The following MYRF variants were observed in gnomAD, a reference collection of about 807,000 sequenced individuals.
MYRF encodes myelin regulatory factor, also known as myelin gene regulatory factor.
A neutral mutation model predicts 126.3 loss-of-function variants in MYRF; 16 were observed. The observed-to-expected ratio is 0.13, with a 90% CI of 0.09 to 0.19. The LOEUF is 0.19. Among genes scored for constraint, MYRF ranks in the 10% least tolerant of loss-of-function variants. MYRF has a pLI of 1.00. For missense variants in MYRF, 1,104 were observed against 1,547.0 expected (o/e 0.71, Z 4.80); for synonymous variants, 608 against 635.3 (o/e 0.96, Z 0.65).
chr11:61,774,769 C>T (rs1319892221), intron 8 of MYRF, among the ~76,000 whole-genome samples: 2 of 151,344 alleles, frequency 1.3e-5, no homozygotes, highest in African/African-American at 2.4e-5. Flanking sequence ...GCTTCCCTCT[C>T]GTTGGGCACC....
Position 61,777,587 on chromosome 11 carries a change from A to C in MYRF, c.1791+123A>C, listed in dbSNP as rs573739588. ...GAGCTGCGGGGGAAGGAAGGGAGGG[A>C]GGCTGGCCTCGAATCCCGATCTAAC... On this transcript the variant is annotated intron_variant, in intron 12 of 26. Transcript: ENST00000278836. This position sits in a 1 kb window ranked among gnomAD's most constrained non-coding sequence, Gnocchi z 8.8. The C allele has an allele frequency of 3.6e-5, 49 of 1,374,866 alleles. No individual in the cohort carries two copies. The highest frequency in any genetic ancestry group is 4.8e-5 in the Non-Finnish European group (48 of 1,004,630). The allele number at this position is 1,374,866 out of a possible 1,614,324, so 85.2% of individuals were successfully genotyped here. A position where few individuals can be genotyped will look rare whatever the true frequency, so the allele number is the denominator to read the frequency against.
Position 61,781,268 on chromosome 11 carries a change from C to A in MYRF, c.2703C>A (p.Gly901=). The A allele has an allele frequency of 6.2e-7, 1 of 1,614,172 alleles. No homozygotes were observed. The highest frequency in any genetic ancestry group is 8.5e-7 in the Non-Finnish European group (1 of 1,180,040). ...ACCCTACCACTGGTCCTAGTCTTGG[C>A]CCCAGCTTTAACCCTGGCCATGTTC... ...TTNPTTGPSL[G]PSFNPGHVLS... Residue 901 remains glycine, a synonymous_variant, in exon 21 of 27, where the codon GGC becomes GGA. Transcript: ENST00000278836.
intron 7 of MYRF, among the ~76,000 whole-genome samples, chr11:61,772,567 C>T (rs1400802013): frequency 1.3e-5 from 2 of 152,210 alleles, no homozygotes; most frequent in Non-Finnish European, 1.5e-5. Context: ...AGCCAGCAGT[C>T]CCAGGCCTGG....
rs202140547 is a variant in MYRF at position 61,757,110 on chromosome 11, G to C, written c.46+4320G>C. The stretch of plus-strand genomic sequence containing the variant: ...TCCCACCTTCCTCTTCACGGACCTA[G>C]CACCTTCCTGGGCCTCAGTTTCTCT... On this transcript the variant is annotated intron_variant, in intron 1 of 26. Coordinates refer to ENST00000278836, the MANE Select transcript of MYRF (RefSeq NM_001127392.3). The surrounding 1 kb of genome is among the most constrained non-coding windows in gnomAD (Gnocchi z 4.7). 2.2e-6 allele frequency: 1 copy of C among 454,630 alleles called. No individual in the cohort carries two copies. The highest frequency in any genetic ancestry group is 2.4e-5 in the Admixed American group (1 of 42,484). The allele number at this position is 454,630 out of a possible 1,614,324, so 28.2% of individuals were successfully genotyped here.
chr11:61,771,751 G>A lies in MYRF; in HGVS notation c.991+1G>A. The A allele has an allele frequency of 6.2e-7, 1 of 1,612,242 alleles. No individual in the cohort carries two copies. The highest frequency in any genetic ancestry group is 8.5e-7 in the Non-Finnish European group (1 of 1,178,868). On this transcript the variant is annotated splice_donor_variant, in intron 6 of 26. Transcript: ENST00000278836. LOFTEE classifies it high-confidence loss of function. ...CACCCGCCAGGTGCCCCCTCCCCAG[G>A]TACATGGCTGGCCAACTCTTCAAGG...
At position 61,765,939 on chromosome 11, in the gene MYRF, C is replaced by A; in HGVS notation, c.135-19C>A. 6.7e-7 allele frequency: 1 copy of A among 1,482,998 alleles called. No homozygotes were observed. The highest frequency in any genetic ancestry group is 8.9e-7 in the Non-Finnish European group (1 of 1,118,640). The allele number at this position is 1,482,998 out of a possible 1,614,324, so 91.9% of individuals were successfully genotyped here. ...GGCTGGGGTCCTGGCTGGAGCTGAG[C>A]CGCCCCCCTTCCCCGCAGCTGCTTC... is the stretch of plus-strand genomic sequence containing the variant. On this transcript the variant is annotated intron_variant, in intron 2 of 26. Coordinates refer to ENST00000278836, the MANE Select transcript of MYRF (RefSeq NM_001127392.3).
Position 61,777,370 on chromosome 11 carries a change from G to A in MYRF, c.1697G>A (p.Arg566Gln). ...GGCCGCGTGGGCATCAACACAGACCGGCCGGATGAGGCGCTGGTTGTGCAC... is the reference window on the plus strand; with the variant it reads ...GGCCGCGTGGGCATCAACACAGACCAGCCGGATGAGGCGCTGGTTGTGCAC... ...HHGRVGINTD[R>Q]PDEALVVHGN... is the part of the protein sequence containing the mutation. The change falls in exon 12 of 27, where the codon CGG becomes CAG. Residue 566 changes from arginine to glutamine, a missense_variant. Around this residue, in one of 10 missense-constraint regions of MYRF, gnomAD observed 48 missense variants for 148.2 expected, o/e 0.32. Coordinates refer to ENST00000278836, the MANE Select transcript of MYRF (RefSeq NM_001127392.3). This position sits in a 1 kb window ranked among gnomAD's most constrained non-coding sequence, Gnocchi z 8.8. 6.2e-7 allele frequency: 1 copy of A among 1,613,914 alleles called. No individual in the cohort carries two copies. Among genetic ancestry groups the A allele is most frequent in the East Asian group, 2.2e-5 (1 of 44,872 alleles).
intron 24 of MYRF, 129 bp from the exon 25 acceptor site, chr11:61,784,151 G>A: frequency 9.8e-7 from 1 of 1,018,490 alleles, no homozygotes; most frequent in African/African-American, 1.6e-5. Context: ...TTTTGTTCGA[G>A]GGCCCTGGTT....
At chr11:61,752,870 C>A in intron 1 of MYRF, 80 bp downstream of exon 1, 2 of 1,324,582 alleles carry the variant, frequency 1.5e-6, no homozygotes, top group African/African-American at 1.6e-5. Context: ...TGGGGCTCCT[C>A]GCTGTGTTTC....
At position 61,765,711 on chromosome 11, in the gene MYRF, C is replaced by G; in HGVS notation, c.133C>G (p.Leu45Val). ...EYISKEDASD[L>V]CFPDISAPAS... ...CATCAGCAAGGAGGATGCCTCCGACCTGTGAGTGGCCCCCTCGCCCGGCCT... is the reference window on the plus strand; with the variant it reads ...CATCAGCAAGGAGGATGCCTCCGACGTGTGAGTGGCCCCCTCGCCCGGCCT... Residue 45 changes from leucine (L) to valine (V), a missense_variant and splice_region_variant, in exon 2 of 27, where the codon CTC (leucine) becomes GTC (valine). Leu to Val is a conservative substitution (Grantham distance 32). Around this residue, in one of 10 missense-constraint regions of MYRF, gnomAD observed 368 missense variants for 403.9 expected, o/e 0.91. Transcript: ENST00000278836. 6.2e-7 allele frequency: 1 copy of G among 1,611,324 alleles called. No individual in the cohort carries two copies. The highest frequency in any genetic ancestry group is 8.5e-7 in the Non-Finnish European group (1 of 1,179,224).
rs897003310 is a variant in MYRF at position 61,776,256 on chromosome 11, C to T, written c.1389-66C>T. 1.3e-6 allele frequency: 2 copies of T among 1,565,262 alleles called. No homozygotes were observed. The highest frequency in any genetic ancestry group is 1.1e-5 in the South Asian group (1 of 88,564). On this transcript the variant is annotated intron_variant, in intron 9 of 26. Transcript: ENST00000278836. This position sits in a 1 kb window ranked among gnomAD's most constrained non-coding sequence, Gnocchi z 4.3. ...TCATGTACGTTGCTGGCCTGGGTGCCCCTCAGTGGCGTGGCTCTTGCAGCC... is the reference window on the plus strand; with the variant it reads ...TCATGTACGTTGCTGGCCTGGGTGCTCCTCAGTGGCGTGGCTCTTGCAGCC...
rs752250314 is a variant in MYRF, at chr11:61,776,170, G to C, written c.1388+38G>C. ...CCCTGTTGGGGGTGGTACCTAGAAG[G>C]GTCCACAACTAAAGCTGGCTTGGGA... is the stretch of plus-strand genomic sequence containing the variant. On this transcript the variant is annotated intron_variant, in intron 9 of 26. Coordinates refer to ENST00000278836, the MANE Select transcript of MYRF (RefSeq NM_001127392.3). This position sits in a 1 kb window ranked among gnomAD's most constrained non-coding sequence, Gnocchi z 4.3. The C allele has an allele frequency of 6.2e-7, 1 of 1,610,324 alleles. No homozygotes were observed. Among genetic ancestry groups the C allele is most frequent in the South Asian group, 1.1e-5 (1 of 91,022 alleles).
chr11:61,779,186 T>C (rs1175131719), intron 14 of MYRF, 77 bp from the exon 15 acceptor site: 7 of 1,450,370 alleles, frequency 4.8e-6, no homozygotes, highest in African/African-American at 1.4e-5. Flanking sequence ...CCCCCTGATG[T>C]CTGGCAGCCT....
rs533365265 is a variant in MYRF, at chr11:61,781,011, G to C, written c.2538G>C (p.Thr846=). ...TTQLRQSPLT[T]GLPGIQPSLL... ...AGCTCCGACAGTCCCCCTTGACCACGGGGCTACCAGGCATACAGCCCTCTT... is the reference window on the plus strand; with the variant it reads ...AGCTCCGACAGTCCCCCTTGACCACCGGGCTACCAGGCATACAGCCCTCTT... Residue 846 remains threonine (T), a synonymous_variant, in exon 20 of 27, where the codon ACG becomes ACC. Transcript: ENST00000278836. The C allele has an allele frequency of 1.2e-6, 2 of 1,609,942 alleles. No homozygotes were observed. The highest frequency in any genetic ancestry group is 1.7e-6 in the Non-Finnish European group (2 of 1,179,996).
In MYRF at chr11:61,777,179, C is replaced by A; in HGVS notation, c.1591-85C>A. The A allele has an allele frequency of 7.2e-7, 1 of 1,384,776 alleles. No homozygotes were observed. Among genetic ancestry groups the A allele is most frequent in the South Asian group, 1.2e-5 (1 of 81,666 alleles). 85.8% of individuals were successfully genotyped at this position (1,384,776 alleles called of 1,614,324 possible). On this transcript the variant is annotated intron_variant, in intron 11 of 26. Transcript: ENST00000278836. The surrounding 1 kb of genome is among the most constrained non-coding windows in gnomAD (Gnocchi z 8.8). The stretch of plus-strand genomic sequence containing the variant: ...GAAACCCTGGCTGGAAGGGGAGGGG[C>A]TGCTGTGGAGTTTCCCCCTGCTCCC...
At chr11:61,770,110 C>A in intron 4 of MYRF, 136 bp from the exon 5 acceptor site, 1 of 859,716 alleles carries the variant, frequency 1.2e-6, no homozygotes, top group Non-Finnish European at 1.7e-6. Context: ...GCCCTCCCAC[C>A]TAGGGTAGGT....
In MYRF at chr11:61,783,961, G is replaced by A; in HGVS notation, c.3194+36G>A. The A allele has an allele frequency of 6.4e-7, 1 of 1,572,194 alleles. No individual in the cohort carries two copies. Among genetic ancestry groups the A allele is most frequent in the Non-Finnish European group, 8.7e-7 (1 of 1,155,690 alleles). The stretch of plus-strand genomic sequence containing the variant: ...GTGTGGGGAAGTGGGAGGCAGGAGG[G>A]GAGCCAGGGAGAATCTCCCGCAGAG... On this transcript the variant is annotated intron_variant, in intron 24 of 26. Transcript: ENST00000278836. This position sits in a 1 kb window ranked among gnomAD's most constrained non-coding sequence, Gnocchi z 4.6.
intron 8 of MYRF, 86 bp from the exon 9 acceptor site, chr11:61,775,970 G>T: frequency 7.7e-7 from 1 of 1,292,132 alleles, no homozygotes; most frequent in Non-Finnish European, 1.1e-6. Context: ...AGCTCTAGTT[G>T]GGCCAGGCCT....
At position 61,786,526 on chromosome 11, in the gene MYRF, G is replaced by A; in HGVS notation, c.*383G>A. The A allele has an allele frequency of 4.1e-6, 1 of 246,824 alleles. No individual in the cohort carries two copies. Among genetic ancestry groups the A allele is most frequent in the Admixed American group, 4.9e-5 (1 of 20,336 alleles). 15.3% of individuals were successfully genotyped at this position (246,824 alleles called of 1,614,324 possible). A position where few individuals can be genotyped will look rare whatever the true frequency, so the allele number is the denominator to read the frequency against. On this transcript the variant is annotated 3_prime_UTR_variant, in exon 27 of 27. Transcript: ENST00000278836. The surrounding 1 kb of genome is among the most constrained non-coding windows in gnomAD (Gnocchi z 4.5). ...TCCCTTGCCTCCCCTTTTGAGACTG[G>A]AGCCAACCCTTTTGGAGAGAGGACC...
Sources: allele counts gnomAD v4.1 joint callset (sites outside exome capture counted in the v4.1 genomes callset), GRCh38; gene constraint gnomAD v4.1.1; regional missense constraint gnomAD v4.1.1; non-coding constraint Gnocchi (gnomAD v3.1); transcripts MANE v1.5; gene names NCBI Gene and HGNC (gene_info 2026-07-23, HGNC 2026-07-21).